NR1D2: variants seen among roughly 807,000 people sequenced by gnomAD.
The protein encoded by NR1D2 is V-erbA-related protein 1-related.
A neutral mutation model predicts 52.2 loss-of-function variants in NR1D2; 25 were observed. The observed-to-expected ratio is 0.48, with a 90% CI of 0.35 to 0.67. NR1D2 has a LOEUF of 0.67. NR1D2 is among the 30% of genes least tolerant of loss of function. The pLI, the probability that NR1D2 is intolerant of heterozygous loss-of-function variation, is 0.01. For missense variants in NR1D2, 681 were observed against 707.2 expected (o/e 0.96, Z 0.42); for synonymous variants, 259 against 230.1 (o/e 1.13, Z -1.14).
At chr3:23,970,930 C>T (rs1038783282) in intron 7 of NR1D2, among the ~76,000 whole-genome samples, 2 of 151,996 alleles carry the variant, frequency 1.3e-5, no homozygotes, top group Admixed American at 1.3e-4. Context: ...TACAGGCATG[C>T]ACTACTACAC....
chr3:23,954,867 C>A, intron 2 of NR1D2, 64 bp downstream of exon 2: 2 of 1,505,682 alleles, frequency 1.3e-6, no homozygotes, highest in Admixed American at 1.7e-5. Flanking sequence ...ATTTTATCAG[C>A]TTTTCATTTA....
intron 7 of NR1D2, among the ~76,000 whole-genome samples, chr3:23,971,980 C>T (rs562535241): frequency 1.7e-3 from 259 of 152,316 alleles, no homozygotes; most frequent in Non-Finnish European, 3.1e-3. Flanking sequence ...GAAACCTCTT[C>T]TCCAAACCTC....
chr3:23,953,067 G>A (rs1182090432), intron 1 of NR1D2, among the ~76,000 whole-genome samples: 13 of 151,424 alleles, frequency 8.6e-5, no homozygotes, highest in Non-Finnish European at 8.8e-5. Flanking sequence ...GGCCCGGTGC[G>A]GTGGCTCACA....
rs1425285712 is a variant in NR1D2, at chr3:23,962,437, T to C, written c.978T>C (p.Asn326=). The C allele has an allele frequency of 1.7e-5, 28 of 1,614,064 alleles. No homozygotes were observed. The East Asian group carries it at 6.2e-4, about 36-fold the overall frequency. Residue 326 remains asparagine (N), a synonymous_variant, in exon 5 of 8, where the codon AAT becomes AAC. Coordinates refer to ENST00000312521, the MANE Select transcript of NR1D2 (RefSeq NM_005126.5). The part of the protein sequence containing the change: ...QHLNGQFKGR[N]IMHYPNGHAI... ...TCAATGGACAGTTCAAAGGGAGGAA[T>C]ATAATGCATTACCCAAATGGTCATG...
Position 23,962,037 on chromosome 3 carries a change from G to A in NR1D2, c.578G>A (p.Ser193Asn), listed in dbSNP as rs1026401912. Residue 193 changes from serine to asparagine, a missense_variant, in exon 5 of 8, where the codon AGT becomes AAT. Ser to Asn is a conservative substitution (Grantham distance 46, BLOSUM62 1). This residue lies in a region of NR1D2 where 112 missense variants were observed against 162.3 expected (regional missense o/e 0.69). Coordinates refer to ENST00000312521, the MANE Select transcript of NR1D2 (RefSeq NM_005126.5). ...CAGAGGATGCTAATTGAAATGCAAA[G>A]TGCAATGAAGACCATGATGAACAGC... Reference protein sequence around the residue: ...EKQRMLIEMQSAMKTMMNSQF... With the variant: ...EKQRMLIEMQNAMKTMMNSQF... 6.2e-7 allele frequency: 1 copy of A among 1,614,178 alleles called. No homozygotes were observed. Among genetic ancestry groups the A allele is most frequent in the Non-Finnish European group, 8.5e-7 (1 of 1,180,020 alleles).
intron 3 of NR1D2, among the ~76,000 whole-genome samples, chr3:23,957,833 A>G (rs1018520068): frequency 6.6e-6 from 1 of 152,192 alleles, no homozygotes; most frequent in African/African-American, 2.4e-5. Context: ...ATAAATACAC[A>G]TCTGTGCAGT....
intron 3 of NR1D2, among the ~76,000 whole-genome samples, chr3:23,957,376 CCTT>C (rs767792026): frequency 1.5e-4 from 21 of 141,842 alleles, no homozygotes; most frequent in African/African-American, 5.0e-4. Flanking sequence ...AAAAGATTCT[CCTT>C]CTCTATATAT....
chr3:23,960,839 C>T (rs1706216732), intron 4 of NR1D2, among the ~76,000 whole-genome samples: 1 of 152,072 alleles, frequency 6.6e-6, no homozygotes, highest in Non-Finnish European at 1.5e-5. Flanking sequence ...TTTTTGGTAG[C>T]AATAATGTTA....
chr3:23,954,872 C>T (rs1706041250), intron 2 of NR1D2, 69 bp downstream of exon 2: 2 of 1,446,400 alleles, frequency 1.4e-6, no homozygotes, highest in Non-Finnish European at 1.9e-6. Flanking sequence ...ATCAGCTTTT[C>T]ATTTAGGTGG....
chr3:23,946,723 C>T (rs912427837), intron 1 of NR1D2: 1 of 152,122 alleles, frequency 6.6e-6, no homozygotes, highest in African/African-American at 2.4e-5. Flanking sequence ...AAAAATTAAC[C>T]TGTGGGTCGC....
At chr3:23,950,782 G>T (rs1452783299) in intron 1 of NR1D2, among the ~76,000 whole-genome samples, 5 of 152,080 alleles carry the variant, frequency 3.3e-5, no homozygotes, top group African/African-American at 1.2e-4. Context: ...TGAAGCTTTT[G>T]CAAAGGAAAT....
Position 23,977,378 on chromosome 3 carries a change from A to G in NR1D2, c.1699A>G (p.Met567Val). The change falls in exon 8 of 8, where the codon ATG becomes GTG. Residue 567 changes from methionine to valine, a missense_variant. Coordinates refer to ENST00000312521, the MANE Select transcript of NR1D2 (RefSeq NM_005126.5). ...GCCAGATCTTCGATCTTTAAACAACATGCACTCTGAGGAGCTCTTGGCCTT... is the reference window on the plus strand; with the variant it reads ...GCCAGATCTTCGATCTTTAAACAACGTGCACTCTGAGGAGCTCTTGGCCTT... ...KLPDLRSLNN[M>V]HSEELLAFKV... The G allele has an allele frequency of 1.2e-6, 2 of 1,612,064 alleles. No individual in the cohort carries two copies. The highest frequency in any genetic ancestry group is 1.7e-6 in the Non-Finnish European group (2 of 1,179,200).
chr3:23,972,541 G>A (rs1487866555), intron 7 of NR1D2, among the ~76,000 whole-genome samples: 1 of 152,146 alleles, frequency 6.6e-6, no homozygotes, highest in African/African-American at 2.4e-5. Context: ...GTAGGTGTGA[G>A]GTCAAGGCTC....
intron 6 of NR1D2, among the ~76,000 whole-genome samples, chr3:23,966,055 C>T (rs1212712835): frequency 6.6e-6 from 1 of 152,158 alleles, no homozygotes; most frequent in Non-Finnish European, 1.5e-5. Flanking sequence ...AACAGATGTG[C>T]CTCTCCTGGT....
intron 5 of NR1D2, chr3:23,964,754 G>A (rs1229918654): frequency 1.7e-5 from 7 of 400,828 alleles, no homozygotes; most frequent in Middle Eastern, 1.3e-3. Flanking sequence ...TTTTGCTTAG[G>A]CTTTTTTTTA....
At chr3:23,960,133 G>C (rs1159029885) in intron 4 of NR1D2, among the ~76,000 whole-genome samples, 1 of 152,070 alleles carries the variant, frequency 6.6e-6, no homozygotes, top group Non-Finnish European at 1.5e-5. Context: ...ATATGGCCGG[G>C]CATGGTGGCT....
At chr3:23,974,327 A>G (rs964972483) in intron 7 of NR1D2, among the ~76,000 whole-genome samples, 2 of 152,174 alleles carry the variant, frequency 1.3e-5, no homozygotes, top group African/African-American at 4.8e-5. Context: ...TTACCCCAGC[A>G]TCACTATAAA....
chr3:23,948,707 A>T (rs756167768), intron 1 of NR1D2, among the ~76,000 whole-genome samples: 105 of 152,356 alleles, frequency 6.9e-4, no homozygotes, highest in Non-Finnish European at 1.1e-3. Context: ...TTGAAGCTAA[A>T]TAACTTACTC....
intron 3 of NR1D2, among the ~76,000 whole-genome samples, chr3:23,956,897 G>A (rs925538462): frequency 6.6e-6 from 1 of 152,094 alleles, no homozygotes; most frequent in African/African-American, 2.4e-5. Context: ...CTAGTTTGGC[G>A]AGATATGATG....
Sources: gnomAD v4.1 joint callset for allele counts (sites outside exome capture counted in the v4.1 genomes callset) on GRCh38, gnomAD v4.1.1 for gene constraint, gnomAD v4.1.1 regional missense constraint, MANE v1.5 for transcripts, NCBI Gene and HGNC (gene_info 2026-07-23, HGNC 2026-07-21) for gene names.